SPAG9: variants seen among roughly 807,000 people sequenced by gnomAD.
SPAG9 encodes C-Jun-amino-terminal kinase-interacting protein 4.
SPAG9 carries 35 observed loss-of-function variants against 166.5 expected under a neutral mutation model. The ratio of observed to expected loss-of-function variants is 0.21; its 90% CI spans 0.16 to 0.28. The LOEUF (loss-of-function observed/expected upper bound fraction) is 0.28, where lower values mean the gene tolerates loss of function less well. Among genes scored for constraint, SPAG9 ranks in the 10% least tolerant of loss-of-function variants. The pLI is 1.00. For missense variants in SPAG9, 1,235 were observed against 1,603.3 expected (o/e 0.77, Z 3.92); for synonymous variants, 534 against 565.5 (o/e 0.94, Z 0.79).
intron 9 of SPAG9, among the ~76,000 whole-genome samples, chr17:51,009,741 G>A (rs2045385503): frequency 6.6e-6 from 1 of 152,036 alleles, no homozygotes; most frequent in South Asian, 2.1e-4. Flanking sequence ...AAGTCATGAG[G>A]ATACCAAATG....
In SPAG9 at chr17:51,062,008, T is replaced by A. The variant is rs144895389; in HGVS notation, c.425-5526A>T. Among the ~76,000 whole-genome samples, 475 of 152,258 alleles carry A rather than the reference T, an allele frequency of 3.1e-3. 3 individuals are homozygous for A. Among genetic ancestry groups the A allele is most frequent in the African/African-American group, 0.011 (448 of 41,544 alleles). On this transcript the variant is annotated intron_variant, in intron 2 of 29. Transcript: ENST00000262013. ...ATCTCATATAAATAATATACATACA[T>A]ATCTATATTTTTTTATTTAATAGCA...
intron 1 of SPAG9, among the ~76,000 whole-genome samples, chr17:51,087,570 C>T (rs1469634591): frequency 6.6e-6 from 1 of 152,138 alleles, no homozygotes; most frequent in Non-Finnish European, 1.5e-5. Context: ...CAATGAGTGG[C>T]ATGGGTTACA....
chr17:50,985,030 G>A (rs1162936059), intron 23 of SPAG9, 40 bp from the exon 24 acceptor site: 1 of 1,566,840 alleles, frequency 6.4e-7, no homozygotes, highest in Non-Finnish European at 8.8e-7. Flanking sequence ...CTCCATTCAG[G>A]AATACAGAAG....
intron 12 of SPAG9, among the ~76,000 whole-genome samples, chr17:51,003,359 T>C (rs747706726): frequency 6.6e-6 from 1 of 152,216 alleles, no homozygotes; most frequent in Non-Finnish European, 1.5e-5. Context: ...CCTAAAAATG[T>C]TGCTCTACCA....
At chr17:50,971,859 T>C (rs1597877499) in intron 28 of SPAG9, among the ~76,000 whole-genome samples, 1 of 152,060 alleles carries the variant, frequency 6.6e-6, no homozygotes, top group Non-Finnish European at 1.5e-5. Context: ...CCTTCGCCTC[T>C]GGGGTTCAAA....
chr17:50,991,065 C>T (rs1271944678), intron 19 of SPAG9, among the ~76,000 whole-genome samples: 1 of 151,958 alleles, frequency 6.6e-6, no homozygotes, highest in African/African-American at 2.4e-5. Flanking sequence ...AGCCACCACG[C>T]CTGGCTAATT....
chr17:51,100,293 TA>T (rs2048772586), intron 1 of SPAG9, among the ~76,000 whole-genome samples: 1 of 151,678 alleles, frequency 6.6e-6, no homozygotes, highest in African/African-American at 2.4e-5. Context: ...TATCCCAAGA[TA>T]AAAGTATTTT....
At chr17:51,063,984 TAA>T (rs1202657245) in intron 2 of SPAG9, among the ~76,000 whole-genome samples, 1 of 152,114 alleles carries the variant, frequency 6.6e-6, no homozygotes. Context: ...ATAAAAGGGT[TAA>T]AATATCTACA....
chr17:51,022,975 A>ATAAT (rs60509039), intron 6 of SPAG9, among the ~76,000 whole-genome samples: 1 of 148,480 alleles, frequency 6.7e-6, no homozygotes, highest in Non-Finnish European at 1.5e-5. Context: ...AATAATAATA[A>ATAAT]ATCAGGGTTA....
At chr17:51,083,080 A>G (rs1270747879) in intron 1 of SPAG9, among the ~76,000 whole-genome samples, 1 of 152,158 alleles carries the variant, frequency 6.6e-6, no homozygotes, top group African/African-American at 2.4e-5. Context: ...ATATAGAGAA[A>G]AAGAGCAAAG....
intron 1 of SPAG9, among the ~76,000 whole-genome samples, chr17:51,089,623 T>TAC (rs1182674825): frequency 6.1e-5 from 2 of 32,632 alleles, no homozygotes; most frequent in African/African-American, 3.2e-4. Flanking sequence ...CTTTATTTTA[T>TAC]ATATATATAT....
At chr17:51,084,078 T>C (rs575433385) in intron 1 of SPAG9, 2 of 152,170 alleles carry the variant, frequency 1.3e-5, no homozygotes, top group South Asian at 2.1e-4. Context: ...AACTAATAAA[T>C]CATTCATTCA....
In SPAG9 at chr17:50,962,174, T is replaced by C. The variant is rs1973172314; in HGVS notation, c.*4098A>G. 6.6e-6 allele frequency: 1 copy of C among 152,228 alleles called. No individual in the cohort carries two copies. Among genetic ancestry groups the C allele is most frequent in the Non-Finnish European group, 1.5e-5 (1 of 68,044 alleles). The allele number at this position is 152,228 out of a possible 1,614,324, so 9.4% of individuals were successfully genotyped here. A position where few individuals can be genotyped will look rare whatever the true frequency, so the allele number is the denominator to read the frequency against. On this transcript the variant is annotated 3_prime_UTR_variant, in exon 30 of 30. Coordinates refer to ENST00000262013, the MANE Select transcript of SPAG9 (RefSeq NM_001130528.3). ...ACAAAACAAAACACACTAGACCTCA[T>C]ACATGTTCATATACATATTTATATA...
intron 2 of SPAG9, among the ~76,000 whole-genome samples, chr17:51,073,356 G>A (rs1336257468): frequency 6.6e-6 from 1 of 151,852 alleles, no homozygotes; most frequent in Non-Finnish European, 1.5e-5. Context: ...CACGTGTGGT[G>A]GCATGTGCTT....
chr17:51,051,573 A>G (rs532663721), intron 3 of SPAG9, among the ~76,000 whole-genome samples: 1 of 152,300 alleles, frequency 6.6e-6, no homozygotes, highest in Non-Finnish European at 1.5e-5. Flanking sequence ...TACAAAAAGT[A>G]GCCGAGCGTG....
chr17:51,037,181 T>C (rs957819864), intron 5 of SPAG9, among the ~76,000 whole-genome samples: 6 of 152,272 alleles, frequency 3.9e-5, no homozygotes, highest in Non-Finnish European at 7.4e-5. Flanking sequence ...TGGCTCACTA[T>C]AGCCTCAGCC....
At chr17:51,036,038 C>T (rs1300744417) in intron 5 of SPAG9, among the ~76,000 whole-genome samples, 3 of 152,182 alleles carry the variant, frequency 2.0e-5, no homozygotes, top group South Asian at 2.1e-4. Flanking sequence ...TGAATTGCAG[C>T]TGGGATATGT....
Position 51,046,708 on chromosome 17 carries a change from G to A in SPAG9, c.590+667C>T, listed in dbSNP as rs771294143. 13 of 1,535,674 alleles carry A rather than the reference G, an allele frequency of 8.5e-6. No homozygotes were observed. In the East Asian group the frequency reaches 1.2e-4, roughly 14 times the overall value. On this transcript the variant is annotated intron_variant, in intron 4 of 29. Coordinates refer to ENST00000262013, the MANE Select transcript of SPAG9 (RefSeq NM_001130528.3). The stretch of plus-strand genomic sequence containing the variant: ...ACACCCGAACCAAGGAGGCCTACAC[G>A]GGGGCCAAAGGGGTATCTTTGTAGT...
At chr17:51,073,759 G>GAAA (rs1377206268) in intron 2 of SPAG9, among the ~76,000 whole-genome samples, 1 of 152,132 alleles carries the variant, frequency 6.6e-6, no homozygotes, top group Non-Finnish European at 1.5e-5. Flanking sequence ...CTAGAAAAGA[G>GAAA]AAAAAGACTC....
Sources: allele counts gnomAD v4.1 joint callset (sites outside exome capture counted in the v4.1 genomes callset), GRCh38; gene constraint gnomAD v4.1.1; transcripts MANE v1.5; gene names NCBI Gene and HGNC (gene_info 2026-07-23, HGNC 2026-07-21).